PRPF18: variants seen among roughly 807,000 people sequenced by gnomAD.
PRPF18 encodes pre-mRNA processing factor 18.
PRPF18 carries 38 observed loss-of-function variants against 46.5 expected under a neutral mutation model. That is an observed-to-expected ratio of 0.82 (90% CI 0.63 to 1.07). The LOEUF is 1.07. Among genes scored for constraint, PRPF18 ranks in the 50% least tolerant of loss-of-function variants. The probability of loss-of-function intolerance (pLI) is 0.00; values close to 1 mark genes in which losing one functional copy is unlikely to be tolerated. For missense variants in PRPF18, 263 were observed against 410.0 expected (o/e 0.64, Z 3.10); for synonymous variants, 152 against 146.7 (o/e 1.04, Z -0.26).
the PRPF18 span, chr10:13,643,666 TGACA>T: frequency 2.2e-4 from 33 of 152,830 alleles, no homozygotes; most frequent in African/African-American, 6.3e-4. Flanking sequence ...CATTTATCGC[TGACA>T]GACAAAGGAA....
chr10:13,652,237 C>G, the PRPF18 span: 1 of 515,310 alleles, frequency 1.9e-6, no homozygotes, highest in Non-Finnish European at 3.5e-6. Flanking sequence ...CAGTTTATGC[C>G]AAGAACCAAA....
At chr10:13,620,028 G>A (rs375293636) in intron 9 of PRPF18, among the ~76,000 whole-genome samples, 137 of 152,100 alleles carry the variant, frequency 9.0e-4, no homozygotes, top group African/African-American at 3.2e-3. Context: ...ACAATTTACT[G>A]ATTGATTTAC....
chr10:13,620,672 G>A (rs2080408727), intron 9 of PRPF18, among the ~76,000 whole-genome samples: 2 of 152,166 alleles, frequency 1.3e-5, no homozygotes, highest in South Asian at 4.1e-4. Flanking sequence ...CATGTAAATG[G>A]AAACTTGTAA....
At chr10:13,603,268 T>C (rs1186105766) in intron 3 of PRPF18, among the ~76,000 whole-genome samples, 1 of 152,114 alleles carries the variant, frequency 6.6e-6, no homozygotes, top group African/African-American at 2.4e-5. Context: ...TGATGTCCCT[T>C]TAGTCTCTGT....
At chr10:13,654,661 C>T in the PRPF18 span, 2 of 613,752 alleles carry the variant, frequency 3.3e-6, no homozygotes, top group South Asian at 3.9e-5. Context: ...AGGGTCTCAG[C>T]ATCCCTATGG....
At position 13,587,020 on chromosome 10, in the gene PRPF18, G is replaced by T; in HGVS notation, c.-67G>T. 1.3e-6 allele frequency: 2 copies of T among 1,535,570 alleles called. No homozygotes were observed. Among genetic ancestry groups the T allele is most frequent in the Non-Finnish European group, 1.8e-6 (2 of 1,108,636 alleles). ...CCGTATACTCAGTGGGTTCGCGGCC[G>T]CCGGCCCAGTGAGGCTGGGTTCGAG... On this transcript the variant is annotated 5_prime_UTR_variant, in exon 1 of 10. Coordinates refer to ENST00000378572, the MANE Select transcript of PRPF18 (RefSeq NM_003675.4).
chr10:13,618,615 CAAAAAAAA>C (rs68069523), intron 9 of PRPF18, among the ~76,000 whole-genome samples: 98 of 39,988 alleles, frequency 2.5e-3, no homozygotes, highest in African/African-American at 6.1e-3. Context: ...AAGACCCTGT[CAAAAAAAA>C]AAAAAAAAAA....
chr10:13,646,810 G>A, the PRPF18 span: 1 of 156,308 alleles, frequency 6.4e-6, no homozygotes, highest in East Asian at 1.9e-4. Context: ...TGCGGAGACA[G>A]GAGAAAAAAA....
At chr10:13,652,296 G>C in the PRPF18 span, 1 of 376,732 alleles carries the variant, frequency 2.7e-6, no homozygotes, top group African/African-American at 2.1e-5. Flanking sequence ...TGTAGGTGGT[G>C]AAATAGGCAG....
chr10:13,615,222 A>G (rs1274639287), intron 8 of PRPF18, among the ~76,000 whole-genome samples: 3 of 152,254 alleles, frequency 2.0e-5, no homozygotes, highest in Admixed American at 1.3e-4. Flanking sequence ...ACTCCCTGCT[A>G]GAATGGATGC....
intron 9 of PRPF18, among the ~76,000 whole-genome samples, chr10:13,616,805 G>T (rs75322967): frequency 0.034 from 5,116 of 151,452 alleles, 128 homozygotes; most frequent in Non-Finnish European, 0.052. Flanking sequence ...GAAATAAAAT[G>T]ATTGCAGTTT....
intron 4 of PRPF18, among the ~76,000 whole-genome samples, chr10:13,609,434 C>T (rs756462192): frequency 2.2e-4 from 33 of 152,244 alleles, no homozygotes; most frequent in South Asian, 1.0e-3. Flanking sequence ...ACCCTATAGC[C>T]GCCTCACAGC....
downstream of PRPF18, among the ~76,000 whole-genome samples, chr10:13,632,141 A>C (rs1196977333): frequency 6.6e-6 from 1 of 152,176 alleles, no homozygotes; most frequent in Non-Finnish European, 1.5e-5. Context: ...GGAGGTAGAG[A>C]CCATTCTGGC....
chr10:13,605,781 T>G (rs2502208), intron 4 of PRPF18, 37 bp downstream of exon 4: 9 of 1,576,862 alleles, frequency 5.7e-6, no homozygotes, highest in Non-Finnish European at 7.7e-6. Context: ...AATACCACTG[T>G]ACTGCATTCA....
At chr10:13,624,791 G>T (rs2080473216) in intron 9 of PRPF18, among the ~76,000 whole-genome samples, 1 of 152,154 alleles carries the variant, frequency 6.6e-6, no homozygotes, top group Non-Finnish European at 1.5e-5. Flanking sequence ...TGTTCCTTCA[G>T]TGAAAAAACC....
intron 1 of PRPF18, chr10:13,592,043 A>G: frequency 1.6e-6 from 1 of 609,748 alleles, no homozygotes; most frequent in South Asian, 1.6e-5. Context: ...TGTCACCACC[A>G]ACTGGTTTTG....
the PRPF18 span, chr10:13,639,930 T>A: frequency 1.3e-5 from 2 of 152,232 alleles, no homozygotes; most frequent in East Asian, 3.9e-4. Context: ...GCCGTGGTTT[T>A]CCAGAAGCTG....
At chr10:13,636,411 C>T in the PRPF18 span, among the ~76,000 whole-genome samples, 2 of 151,990 alleles carry the variant, frequency 1.3e-5, no homozygotes, top group Non-Finnish European at 2.9e-5. Context: ...AGAGTGAGAC[C>T]GTGTCTCAAA....
At chr10:13,639,640 C>G in the PRPF18 span, 1 of 152,102 alleles carries the variant, frequency 6.6e-6, no homozygotes, top group Non-Finnish European at 1.5e-5. Context: ...GATTTTAGAA[C>G]CTGTTAGTTC....
Sources: allele counts gnomAD v4.1 joint callset (sites outside exome capture counted in the v4.1 genomes callset), GRCh38; gene constraint gnomAD v4.1.1; transcripts MANE v1.5; gene names NCBI Gene and HGNC (gene_info 2026-07-23, HGNC 2026-07-21).